The following TMEM17 variants were observed in gnomAD, a reference collection of about 807,000 sequenced individuals.
TMEM17 encodes the protein transmembrane protein 17.
A neutral mutation model predicts 19.1 loss-of-function variants in TMEM17; 15 were observed. The ratio of observed to expected loss-of-function variants is 0.78; its 90% CI spans 0.52 to 1.21. The LOEUF (loss-of-function observed/expected upper bound fraction) is 1.21. Ranked by LOEUF, TMEM17 falls within the 50% of genes most tolerant of loss-of-function variation. The pLI, the probability that TMEM17 is intolerant of heterozygous loss-of-function variation, is 0.00. For missense variants in TMEM17, 245 were observed against 242.3 expected (o/e 1.01, Z -0.07); for synonymous variants, 103 against 86.9 (o/e 1.19, Z -1.03).
intron 1 of TMEM17, among the ~76,000 whole-genome samples, chr2:62,505,633 C>T (rs1489365142): frequency 1.3e-5 from 2 of 152,108 alleles, no homozygotes; most frequent in African/African-American, 4.8e-5. Context: ...CCGGGGCGGG[C>T]GCCGCAGAGG....
At chr2:62,466,982 A>T in the TMEM17 span, among the ~76,000 whole-genome samples, 79,353 of 151,816 alleles carry the variant, frequency 0.52, 21,176 homozygotes, top group East Asian at 0.69. Flanking sequence ...CATTTTATTT[A>T]ATTTATTTAT....
chr2:62,456,484 C>T, the TMEM17 span, among the ~76,000 whole-genome samples: 1 of 152,186 alleles, frequency 6.6e-6, no homozygotes, highest in Non-Finnish European at 1.5e-5. Context: ...TTTAGAAGGA[C>T]CCTTGTGATT....
chr2:62,478,561 G>T, the TMEM17 span, among the ~76,000 whole-genome samples: 1 of 152,228 alleles, frequency 6.6e-6, no homozygotes, highest in East Asian at 1.9e-4. Flanking sequence ...GCTCTTGCTT[G>T]ATTTAAACAA....
At position 62,502,774 on chromosome 2, in the gene TMEM17, A is replaced by G. The variant is rs1434851913; in HGVS notation, c.121T>C (p.Leu41=). The G allele has an allele frequency of 8.1e-6, 13 of 1,604,072 alleles. No individual in the cohort carries two copies. Among genetic ancestry groups the G allele is most frequent in the Non-Finnish European group, 1.0e-5 (12 of 1,176,690 alleles). ...AAATAAAGTGACATCTGCAGTGCCA[A>G]ACTGGAGACCATTTCATTTTCTACA... The part of the protein sequence containing the change: ...EGPENEMVSS[L]ALQMSLYFNT... Residue 41 remains leucine (L), a synonymous_variant, in exon 2 of 4, where the codon TTG becomes CTG. Coordinates refer to ENST00000335390, the MANE Select transcript of TMEM17 (RefSeq NM_198276.3).
At chr2:62,494,827 C>G in the TMEM17 span, among the ~76,000 whole-genome samples, 4 of 152,174 alleles carry the variant, frequency 2.6e-5, no homozygotes, top group South Asian at 8.3e-4. Flanking sequence ...CACAGTGAAA[C>G]CCCGTCTCTA....
At chr2:62,463,300 A>G in the TMEM17 span, 7 of 152,264 alleles carry the variant, frequency 4.6e-5, no homozygotes, top group African/African-American at 7.2e-5. Flanking sequence ...TCTGCCAATT[A>G]TTAGCATTGG....
chr2:62,481,698 G>GGT, the TMEM17 span, among the ~76,000 whole-genome samples: 10,304 of 143,966 alleles, frequency 0.072, 403 homozygotes, highest in Middle Eastern at 0.15. Flanking sequence ...ACCCCTTAAA[G>GGT]GTGTGTGTGT....
chr2:62,487,173 T>G, the TMEM17 span, among the ~76,000 whole-genome samples: 1 of 152,186 alleles, frequency 6.6e-6, no homozygotes, highest in African/African-American at 2.4e-5. Flanking sequence ...AAAATCAAGG[T>G]GTCAGCAGGG....
At chr2:62,455,124 C>T in the TMEM17 span, among the ~76,000 whole-genome samples, 1 of 152,348 alleles carries the variant, frequency 6.6e-6, no homozygotes, top group East Asian at 1.9e-4. Context: ...TTGTAGCATT[C>T]CCATTCCCAT....
the TMEM17 span, among the ~76,000 whole-genome samples, chr2:62,486,172 C>T: frequency 6.6e-6 from 1 of 152,078 alleles, no homozygotes; most frequent in African/African-American, 2.4e-5. Flanking sequence ...TCAGGCCTGG[C>T]TGGGGTGCTG....
chr2:62,502,511 T>C lies in TMEM17; in HGVS notation c.244A>G (p.Thr82Ala). The C allele has an allele frequency of 6.2e-7, 1 of 1,612,482 alleles. No individual in the cohort carries two copies. The highest frequency in any genetic ancestry group is 8.5e-7 in the Non-Finnish European group (1 of 1,179,050). ...ATTAAGGTTATTAGGATGATAACAG[T>C]GATCACAATGAATTTGTAGTAGTCA... is the stretch of plus-strand genomic sequence containing the variant. ...LPDYYKFIVI[T>A]VIILITLIEA... is the part of the protein sequence containing the mutation. Residue 82 changes from threonine (T) to alanine (A), a missense_variant, in exon 3 of 4, where the codon ACT becomes GCT. Transcript: ENST00000335390.
At chr2:62,500,020 G>A (rs1358003869), downstream of TMEM17, among the ~76,000 whole-genome samples, 1 of 152,200 alleles carries the variant, frequency 6.6e-6, no homozygotes, top group Admixed American at 6.5e-5. Flanking sequence ...CAAGCCTCAC[G>A]TGAATTTAAT....
chr2:62,497,798 C>T (rs1049467821), downstream of TMEM17, among the ~76,000 whole-genome samples: 1 of 152,166 alleles, frequency 6.6e-6, no homozygotes, highest in Non-Finnish European at 1.5e-5. Context: ...AGGGTTAATG[C>T]GCTAATCCTG....
chr2:62,474,643 C>T, the TMEM17 span, among the ~76,000 whole-genome samples: 12 of 152,178 alleles, frequency 7.9e-5, no homozygotes, highest in South Asian at 1.7e-3. Flanking sequence ...ATCAGAGGGC[C>T]GGTGAACCCA....
the TMEM17 span, among the ~76,000 whole-genome samples, chr2:62,470,404 C>T: frequency 8.5e-5 from 13 of 152,356 alleles, no homozygotes; most frequent in East Asian, 7.7e-4. Context: ...TCAATTCCTG[C>T]TTCCTCAATT....
At chr2:62,490,637 A>G in the TMEM17 span, among the ~76,000 whole-genome samples, 3 of 152,206 alleles carry the variant, frequency 2.0e-5, no homozygotes, top group Non-Finnish European at 2.9e-5. Flanking sequence ...AAATTTTAAA[A>G]CACTTTGGAT....
At chr2:62,486,329 A>G in the TMEM17 span, among the ~76,000 whole-genome samples, 1 of 140,682 alleles carries the variant, frequency 7.1e-6, no homozygotes, top group Non-Finnish European at 1.6e-5. Flanking sequence ...AATTCCCCTC[A>G]AGCTTTATAT....
chr2:62,468,992 G>A, the TMEM17 span, among the ~76,000 whole-genome samples: 1 of 152,222 alleles, frequency 6.6e-6, no homozygotes, highest in Non-Finnish European at 1.5e-5. Context: ...GCCCAGCAAT[G>A]GCAGCCACCC....
chr2:62,488,714 C>A, the TMEM17 span, among the ~76,000 whole-genome samples: 1 of 151,682 alleles, frequency 6.6e-6, no homozygotes, highest in African/African-American at 2.4e-5. Flanking sequence ...ACAAAAATCT[C>A]CAACCTACAA....
Sources: allele counts gnomAD v4.1 joint callset (sites outside exome capture counted in the v4.1 genomes callset), GRCh38; gene constraint gnomAD v4.1.1; transcripts MANE v1.5; gene names NCBI Gene and HGNC (gene_info 2026-07-23, HGNC 2026-07-21).